ZNF705B: variants seen among roughly 807,000 people sequenced by gnomAD.
ZNF705B encodes the protein zinc finger protein 705B.
In ZNF705B, 1 loss-of-function variant was observed where a neutral mutation model predicts 10.5. The observed-to-expected ratio is 0.10, with a 90% confidence interval of 0.03 to 0.45. The LOEUF (loss-of-function observed/expected upper bound fraction) is 0.45, where lower values mean the gene tolerates loss of function less well. ZNF705B is among the 20% of genes least tolerant of loss of function. ZNF705B has a pLI of 0.97. For synonymous variants in ZNF705B, 4 were observed against 25.4 expected, an observed-to-expected ratio of 0.16 and a Z score of 2.53; for missense variants, 14 against 84.0, an observed-to-expected ratio of 0.17 and a Z score of 3.26.
chr8:7,940,274 G>T (rs1299535559), intron 2 of ZNF705B, among the ~76,000 whole-genome samples: 1 of 149,050 alleles, frequency 6.7e-6, no homozygotes. Context: ...AACCGACTTT[G>T]TTGAGCGATG....
intron 1 of ZNF705B, among the ~76,000 whole-genome samples, chr8:7,927,920 G>T: frequency 7.2e-6 from 1 of 138,958 alleles, no homozygotes; most frequent in East Asian, 2.2e-4. Flanking sequence ...TGTTAGAGAG[G>T]TCGAAAGGTA....
chr8:7,929,108 G>T (rs571559289), intron 1 of ZNF705B, among the ~76,000 whole-genome samples: 1 of 121,502 alleles, frequency 8.2e-6, no homozygotes, highest in Admixed American at 9.3e-5. Flanking sequence ...AGAAGAGAGA[G>T]AATTTAACCT....
chr8:7,941,185 A>G (rs1454316219), intron 2 of ZNF705B, among the ~76,000 whole-genome samples: 24 of 145,692 alleles, frequency 1.6e-4, no homozygotes, highest in African/African-American at 5.2e-4. Context: ...AATGATTTAT[A>G]TTCCTTTGGG....
Position 7,940,552 on chromosome 8 carries a change from G to A in ZNF705B, c.-71-6799G>A, listed in dbSNP as rs570795896. On this transcript the variant is annotated intron_variant, in intron 2 of 6. Coordinates refer to ENST00000400120, the MANE Select transcript of ZNF705B (RefSeq NM_001193630.1). ...AACGAGACCTCCAGAACTTACTTAC[G>A]TGGTATATCTGAAACTTTGTGCTCT... 8.7e-4 allele frequency among the ~76,000 whole-genome samples: 107 copies of A among 122,666 alleles called. 2 individuals are homozygous for A. The highest frequency in any genetic ancestry group is 2.6e-3 in the African/African-American group (94 of 36,790). The allele number at this position is 122,666 out of a possible 152,430, so 80.5% of individuals were successfully genotyped here.
In ZNF705B at chr8:7,933,929, C is replaced by CTTTTTTTTTTTTTT. The variant is rs1162997944; in HGVS notation, c.-72+3509_-72+3522dup. 4.2e-3 allele frequency among the ~76,000 whole-genome samples: 123 copies of CTTTTTTTTTTTTTT among 29,368 alleles called. 7 individuals are homozygous for CTTTTTTTTTTTTTT. The highest frequency in any genetic ancestry group is 5.9e-3 in the African/African-American group (76 of 12,820). The allele number at this position is 29,368 out of a possible 152,430, so 19.3% of individuals were successfully genotyped here. ...ATCAAGTCATAACATGTAATATAAA[C>CTTTTTTTTTTTTTT]TTTTTTTTTTTTTTTTTTTTTTTTT... On this transcript the variant is annotated intron_variant, in intron 2 of 6. Coordinates refer to ENST00000400120, the MANE Select transcript of ZNF705B (RefSeq NM_001193630.1).
intron 2 of ZNF705B, among the ~76,000 whole-genome samples, chr8:7,940,717 C>G (rs1820128219): frequency 6.8e-6 from 1 of 147,044 alleles, no homozygotes; most frequent in Non-Finnish European, 1.5e-5. Context: ...TGGCCTATTT[C>G]ATATAACCTA....
At position 7,940,791 on chromosome 8, in the gene ZNF705B, C is replaced by T. The variant is rs548074700; in HGVS notation, c.-71-6560C>T. Among the ~76,000 whole-genome samples, 82 of 131,036 alleles carry T rather than the reference C, an allele frequency of 6.3e-4. No individual in the cohort carries two copies. In the East Asian group the frequency reaches 7.6e-3, roughly 12 times the overall value. The allele number at this position is 131,036 out of a possible 152,430, so 86.0% of individuals were successfully genotyped here. On this transcript the variant is annotated intron_variant, in intron 2 of 6. Coordinates refer to ENST00000400120, the MANE Select transcript of ZNF705B (RefSeq NM_001193630.1). ...GGTTTCGTTATTATGGAACACTGAA[C>T]AATATTCCATTGCATATATGTATTA...
intron 2 of ZNF705B, among the ~76,000 whole-genome samples, chr8:7,931,438 G>A (rs538470493): frequency 8.2e-6 from 1 of 121,978 alleles, no homozygotes; most frequent in African/African-American, 2.5e-5. Flanking sequence ...GATAGGTATG[G>A]TGGATTAATC....
At chr8:7,936,697 A>G (rs1313997496) in intron 2 of ZNF705B, among the ~76,000 whole-genome samples, 1 of 118,316 alleles carries the variant, frequency 8.5e-6, no homozygotes, top group African/African-American at 2.6e-5. Flanking sequence ...AAAAATGGGA[A>G]CAAGAGAGAT....
At chr8:7,929,036 CT>C (rs1563491044) in intron 1 of ZNF705B, among the ~76,000 whole-genome samples, 1 of 120,442 alleles carries the variant, frequency 8.3e-6, no homozygotes, top group African/African-American at 2.5e-5. Context: ...GAATTCACCG[CT>C]ATATAATTCA....
At chr8:7,941,779 G>T (rs1820168194) in intron 2 of ZNF705B, among the ~76,000 whole-genome samples, 1 of 50,836 alleles carries the variant, frequency 2.0e-5, no homozygotes, top group Non-Finnish European at 4.5e-5. Flanking sequence ...CAAGTAGCTG[G>T]GACTACAGGC....
intron 1 of ZNF705B, among the ~76,000 whole-genome samples, chr8:7,927,276 A>C (rs1819717730): frequency 8.4e-6 from 1 of 119,736 alleles, no homozygotes; most frequent in African/African-American, 2.5e-5. Flanking sequence ...TGTCCTTATT[A>C]AGTTTTAAAT....
At chr8:7,944,767 T>C (rs1820211246) in intron 2 of ZNF705B, among the ~76,000 whole-genome samples, 2 of 88,566 alleles carry the variant, frequency 2.3e-5, no homozygotes, top group Non-Finnish European at 4.9e-5. Context: ...GGTCAGGAGT[T>C]CTAGACCAGC....
At chr8:7,928,783 ACC>A in intron 1 of ZNF705B, among the ~76,000 whole-genome samples, 1 of 99,310 alleles carries the variant, frequency 1.0e-5, no homozygotes, top group African/African-American at 2.8e-5. Context: ...ATTGAACTCA[ACC>A]AAGGAAAAAA....
At chr8:7,941,431 A>G (rs1319363376) in intron 2 of ZNF705B, among the ~76,000 whole-genome samples, 9 of 91,048 alleles carry the variant, frequency 9.9e-5, no homozygotes, top group African/African-American at 2.8e-4. Context: ...CACCGCAAGT[A>G]TACAAGGGTT....
chr8:7,926,776 AC>A (rs200962667), intron 1 of ZNF705B, among the ~76,000 whole-genome samples: 1,974 of 116,346 alleles, frequency 0.017, 163 homozygotes, highest in African/African-American at 0.048. Flanking sequence ...TTTATGCACG[AC>A]CCTGTTCATT....
rs1292372474 is a variant in ZNF705B at position 7,940,931 on chromosome 8, C to T, written c.-71-6420C>T. Among the ~76,000 whole-genome samples, 639 of 148,458 alleles carry T rather than the reference C, an allele frequency of 4.3e-3. 1 individual carries two copies. The highest frequency in any genetic ancestry group is 0.015 in the African/African-American group (608 of 40,720). On this transcript the variant is annotated intron_variant, in intron 2 of 6. Transcript: ENST00000400120. ...TTCTGCTCCCACTTGTAAGTTAGAA[C>T]GTGCAGTGCTTGGTTTTCTGTTCGT...
intron 1 of ZNF705B, among the ~76,000 whole-genome samples, chr8:7,929,725 G>A (rs933180117): frequency 8.7e-6 from 1 of 115,010 alleles, no homozygotes. Context: ...ATTTTGCAGT[G>A]ATTTACTTTG....
rs1218259637 is a variant in ZNF705B, at chr8:7,927,165, C to G, written c.-222+768C>G. 2.6e-5 allele frequency among the ~76,000 whole-genome samples: 3 copies of G among 115,868 alleles called. No homozygotes were observed. In the South Asian group the frequency reaches 9.3e-4, roughly 36 times the overall value. 76.0% of individuals were successfully genotyped at this position (115,868 alleles called of 152,430 possible). On this transcript the variant is annotated intron_variant, in intron 1 of 6. Transcript: ENST00000400120. ...TTAATAAGTGAAATTCAGTGTGTTC[C>G]TACAATTTTAGGCCTTATCTACGAC...
Sources: allele counts gnomAD v4.1 joint callset (sites outside exome capture counted in the v4.1 genomes callset), GRCh38; gene constraint gnomAD v4.1.1; transcripts MANE v1.5; gene names NCBI Gene and HGNC (gene_info 2026-07-23, HGNC 2026-07-21).